SCN7A: variants seen among roughly 807,000 people sequenced by gnomAD.
SCN7A encodes sodium voltage-gated channel alpha subunit 7, also known as sodium channel protein type 7 subunit alpha.
Under a neutral mutation model 155.2 loss-of-function variants are expected in SCN7A, and 138 were observed. That is an observed-to-expected ratio of 0.89 (90% CI 0.77 to 1.02). The LOEUF is 1.02. Ranked by LOEUF, SCN7A falls within the 50% of genes least tolerant of loss-of-function variation. The probability of loss-of-function intolerance (pLI) is 0.00; values close to 1 mark genes in which losing one functional copy is unlikely to be tolerated. For synonymous variants in SCN7A, 693 were observed against 649.0 expected (o/e 1.07, Z -1.03); for missense variants, 2,058 against 1,986.6 (o/e 1.04, Z -0.68).
chr2:166,462,634 C>T (rs1215203264), intron 9 of SCN7A, 104 bp from the exon 10 acceptor site: 2 of 1,016,138 alleles, frequency 2.0e-6, no homozygotes, highest in African/African-American at 3.2e-5. Flanking sequence ...AGAACTCACG[C>T]TTCCACAGGG....
chr2:166,421,927 C>G (rs2105391363), intron 19 of SCN7A, among the ~76,000 whole-genome samples: 1 of 152,134 alleles, frequency 6.6e-6, no homozygotes, highest in South Asian at 2.1e-4. Context: ...CCAGATTTTT[C>G]TACATTTTCA....
At position 166,472,470 on chromosome 2, in the gene SCN7A, A is replaced by AT. The variant is rs771625720; in HGVS notation, c.444-26dup. The AT allele has an allele frequency of 3.3e-6, 5 of 1,519,688 alleles. 1 individual carries two copies. The South Asian group carries it at 5.9e-5, about 18-fold the overall frequency. The allele number at this position is 1,519,688 out of a possible 1,614,324, so 94.1% of individuals were successfully genotyped here. A position where few individuals can be genotyped will look rare whatever the true frequency, so the allele number is the denominator to read the frequency against. On this transcript the variant is annotated intron_variant, in intron 5 of 25. Transcript: ENST00000643258. ...CCTGCAGAAATTTTTTCATATAAATATTATTGGTGAGAATAATACATTGTC... is the reference window on the plus strand; with the variant it reads ...CCTGCAGAAATTTTTTCATATAAATATTTATTGGTGAGAATAATACATTGTC...
At chr2:166,475,397 A>G (rs991832424) in intron 3 of SCN7A, among the ~76,000 whole-genome samples, 15 of 150,832 alleles carry the variant, frequency 9.9e-5, no homozygotes, top group Non-Finnish European at 2.1e-4. Flanking sequence ...ATATTTGTAT[A>G]TATACAGAAA....
chr2:166,419,528 G>C (rs1185322047), intron 20 of SCN7A, among the ~76,000 whole-genome samples: 1 of 151,708 alleles, frequency 6.6e-6, no homozygotes, highest in South Asian at 2.1e-4. Context: ...CACCACACCT[G>C]GCTAATTTTT....
chr2:166,406,596 C>G lies in SCN7A; in HGVS notation c.4033G>C (p.Val1345Leu). 4 of 1,611,932 alleles carry G rather than the reference C, an allele frequency of 2.5e-6. No individual in the cohort carries two copies. Among genetic ancestry groups the G allele is most frequent in the Non-Finnish European group, 1.7e-6 (2 of 1,178,824 alleles). The change falls in exon 26 of 26, where the codon GTG becomes CTG. Residue 1345 changes from valine to leucine, a missense_variant. Coordinates refer to ENST00000643258, the MANE Select transcript of SCN7A (RefSeq NM_002976.4). Reference sequence around the variant, plus strand: ...ATCCGTGAGAGAAGTATCAGTTGCACAAGTGAAGGAGGCACAAGGTAGGAT... The same window carrying G: ...ATCCGTGAGAGAAGTATCAGTTGCAGAAGTGAAGGAGGCACAAGGTAGGAT... ...VGSYLVPPSL[V>L]QLILLSRIIH...
chr2:166,480,210 C>T (rs1702889183), intron 2 of SCN7A, among the ~76,000 whole-genome samples: 1 of 152,104 alleles, frequency 6.6e-6, no homozygotes, highest in African/African-American at 2.4e-5. Context: ...GTAATCCCAG[C>T]ACTTTGGGAG....
At chr2:166,432,294 A>C in intron 16 of SCN7A, 24 bp downstream of exon 16, 2 of 1,552,898 alleles carry the variant, frequency 1.3e-6, no homozygotes, top group Middle Eastern at 1.7e-4. Context: ...ACCACTAAGC[A>C]ATCAGGATAT....
chr2:166,453,829 T>C (rs1702224878), intron 11 of SCN7A, among the ~76,000 whole-genome samples: 1 of 152,156 alleles, frequency 6.6e-6, no homozygotes, highest in African/African-American at 2.4e-5. Flanking sequence ...ATCAGTGACC[T>C]GTAGAGCCCT....
rs753502555 is a variant in SCN7A, at chr2:166,405,738, T to C, written c.4891A>G (p.Ile1631Val). 4.9e-5 allele frequency: 79 copies of C among 1,612,952 alleles called. No homozygotes were observed. The highest frequency in any genetic ancestry group is 1.3e-4 in the Admixed American group (8 of 59,874). ...KRKQEAVSAT[I>V]IQRAYKNYRL... ...TAATTTTTATAAGCACGTTGAATGA[T>C]GGTTGCTGAAACTGCCTCTTGTTTT... Residue 1631 changes from isoleucine to valine, a missense_variant, in exon 26 of 26, where the codon ATC becomes GTC. Ile to Val is a conservative substitution (Grantham distance 29, BLOSUM62 3). Coordinates refer to ENST00000643258, the MANE Select transcript of SCN7A (RefSeq NM_002976.4).
intron 1 of SCN7A, among the ~76,000 whole-genome samples, chr2:166,490,577 C>T (rs1683074222): frequency 6.6e-6 from 1 of 152,106 alleles, no homozygotes; most frequent in South Asian, 2.1e-4. Flanking sequence ...TATATATACA[C>T]AATGGAACGC....
intron 22 of SCN7A, 67 bp from the exon 23 acceptor site, chr2:166,412,734 T>C (rs900782594): frequency 3.6e-5 from 51 of 1,435,570 alleles, no homozygotes; most frequent in Middle Eastern, 4.8e-4. Context: ...AAACAATTTA[T>C]GACAAGAAAA....
chr2:166,457,760 C>T (rs897050571), intron 10 of SCN7A, among the ~76,000 whole-genome samples: 1 of 151,972 alleles, frequency 6.6e-6, no homozygotes, highest in Non-Finnish European at 1.5e-5. Context: ...TTTCCTAAGA[C>T]AGATCAGAAA....
rs78491817 is a variant in SCN7A, at chr2:166,493,190, C to T, written c.-128+778G>A. ...AGTGGGGTAAAGTATCCACAAGAAG[C>T]ACCACCCAAACTCTTTCCCATTTCA... is the stretch of plus-strand genomic sequence containing the variant. On this transcript the variant is annotated intron_variant, in intron 1 of 25. Transcript: ENST00000643258. Among the ~76,000 whole-genome samples, 798 of 152,270 alleles carry T rather than the reference C, an allele frequency of 5.2e-3. 44 individuals carry two copies. The East Asian group carries it at 0.12, about 22-fold the overall frequency.
At chr2:166,485,163 T>G (rs533132898) in intron 2 of SCN7A, among the ~76,000 whole-genome samples, 23 of 152,058 alleles carry the variant, frequency 1.5e-4, no homozygotes, top group Non-Finnish European at 2.9e-4. Flanking sequence ...ATGATCCAAT[T>G]TATATAAAGT....
chr2:166,474,229 T>C lies in SCN7A; in HGVS notation c.350A>G (p.His117Arg). The C allele has an allele frequency of 1.4e-6, 2 of 1,435,638 alleles. No individual in the cohort carries two copies. 88.9% of individuals were successfully genotyped at this position (1,435,638 alleles called of 1,614,324 possible). A position where few individuals can be genotyped will look rare whatever the true frequency, so the allele number is the denominator to read the frequency against. The part of the protein sequence containing the change: ...IRRTTIKVLV[H>R]PFFQLFILIS... ...ACAAGTCAACAGAAAAGGATATGGA[T>C]GTACCAAAACCTTGATAGTTGTTCT... is the stretch of plus-strand genomic sequence containing the variant. Residue 117 changes from histidine (H) to arginine (R), a missense_variant, in exon 4 of 26, where the codon CAT becomes CGT. Transcript: ENST00000643258.
At chr2:166,471,229 G>T (rs1702648569) in intron 6 of SCN7A, among the ~76,000 whole-genome samples, 1 of 151,754 alleles carries the variant, frequency 6.6e-6, no homozygotes, top group Non-Finnish European at 1.5e-5. Flanking sequence ...AGAAATCCAG[G>T]CTCTACCATG....
chr2:166,426,623 A>C (rs1701630657), intron 18 of SCN7A, among the ~76,000 whole-genome samples: 1 of 152,112 alleles, frequency 6.6e-6, no homozygotes. Context: ...CAAAAGTAAC[A>C]CACAGTTTGA....
At chr2:166,469,934 C>A (rs1307166984) in intron 7 of SCN7A, among the ~76,000 whole-genome samples, 2 of 151,916 alleles carry the variant, frequency 1.3e-5, no homozygotes, top group Non-Finnish European at 2.9e-5. Context: ...TTATATTCCT[C>A]CTTTGTTTTC....
intron 20 of SCN7A, among the ~76,000 whole-genome samples, chr2:166,417,827 C>T (rs887288385): frequency 3.3e-5 from 5 of 151,682 alleles, no homozygotes; most frequent in Non-Finnish European, 5.9e-5. Context: ...GGTTGCTGTA[C>T]GTCACAAAGA....
Sources: allele counts gnomAD v4.1 joint callset (sites outside exome capture counted in the v4.1 genomes callset), GRCh38; gene constraint gnomAD v4.1.1; transcripts MANE v1.5; gene names NCBI Gene and HGNC (gene_info 2026-07-23, HGNC 2026-07-21).